Variants in MTUS2 observed in about 807,000 individuals in gnomAD.
The protein encoded by MTUS2 is microtubule associated scaffold protein 2, also known as microtubule-associated tumor suppressor candidate 2.
MTUS2 carries 40 observed loss-of-function variants against 114.1 expected under a neutral mutation model. That is an observed-to-expected ratio of 0.35 (90% confidence interval 0.27 to 0.46). The LOEUF (loss-of-function observed/expected upper bound fraction) is 0.46. Ranked by LOEUF, MTUS2 falls within the 20% of genes least tolerant of loss-of-function variation. MTUS2 has a pLI of 1.00. For missense variants in MTUS2, 1,679 were observed against 1,705.4 expected (o/e 0.98, Z 0.27); for synonymous variants, 688 against 672.0 (o/e 1.02, Z -0.37).
At chr13:29,307,722 C>T (rs1899541929) in intron 6 of MTUS2, 2 of 1,128,010 alleles carry the variant, frequency 1.8e-6, no homozygotes, top group Admixed American at 3.4e-5. Context: ...CCTGGTATGA[C>T]AATGAATTTG....
chr13:29,209,615 A>G (rs546852485), intron 5 of MTUS2, among the ~76,000 whole-genome samples: 1 of 152,142 alleles, frequency 6.6e-6, no homozygotes, highest in South Asian at 2.1e-4. Flanking sequence ...GAGATCTTGT[A>G]GTGCTGGCTT....
rs528737592 is a variant in MTUS2 at position 29,238,834 on chromosome 13, A to G, written c.2645-42870A>G. ...GGATGAACCTGGATTACATTATGCT[A>G]TAGGTAAAATAAGCCAGACACATGT... On this transcript the variant is annotated intron_variant, in intron 5 of 15. Coordinates refer to ENST00000612955, the MANE Select transcript of MTUS2 (RefSeq NM_001033602.4). Among the ~76,000 whole-genome samples the G allele has an allele frequency of 2.6e-5, 4 of 152,326 alleles. No homozygotes were observed. In the South Asian group the frequency reaches 8.3e-4, roughly 32 times the overall value.
At chr13:29,469,769 T>C (rs1475173431) in intron 9 of MTUS2, among the ~76,000 whole-genome samples, 1 of 151,920 alleles carries the variant, frequency 6.6e-6, no homozygotes, top group Non-Finnish European at 1.5e-5. Flanking sequence ...ATTGTGCCAC[T>C]GCACTCCAGC....
chr13:29,490,729 C>T (rs988784275), intron 11 of MTUS2, among the ~76,000 whole-genome samples: 1 of 152,258 alleles, frequency 6.6e-6, no homozygotes, highest in Non-Finnish European at 1.5e-5. Flanking sequence ...CCAAGGTGTC[C>T]GTGTAGACAC....
intron 4 of MTUS2, among the ~76,000 whole-genome samples, chr13:29,088,648 G>A (rs1446932585): frequency 6.6e-6 from 1 of 152,110 alleles, no homozygotes; most frequent in Non-Finnish European, 1.5e-5. Context: ...GCAATATTGG[G>A]TTCATATACA....
At chr13:29,071,024 A>T in intron 4 of MTUS2, among the ~76,000 whole-genome samples, 1 of 149,842 alleles carries the variant, frequency 6.7e-6, no homozygotes, top group African/African-American at 2.5e-5. Context: ...TATTTTTTTG[A>T]GACAGAGTCT....
chr13:29,074,741 G>C (rs1321352320), intron 4 of MTUS2, among the ~76,000 whole-genome samples: 2 of 152,074 alleles, frequency 1.3e-5, no homozygotes, highest in African/African-American at 4.8e-5. Flanking sequence ...CTGTATCTTT[G>C]ATCTTACTTC....
chr13:29,499,707 G>A (rs541751799), intron 14 of MTUS2, among the ~76,000 whole-genome samples: 6 of 152,318 alleles, frequency 3.9e-5, no homozygotes, highest in South Asian at 4.1e-4. Flanking sequence ...TCATCTCATC[G>A]AAATTCCCCA....
At chr13:29,424,892 A>T (rs1876393267) in intron 8 of MTUS2, among the ~76,000 whole-genome samples, 1 of 152,198 alleles carries the variant, frequency 6.6e-6, no homozygotes, top group African/African-American at 2.4e-5. Context: ...TTAAAACCTG[A>T]TGTAATACAT....
intron 2 of MTUS2, among the ~76,000 whole-genome samples, chr13:28,909,256 A>G (rs1283092786): frequency 6.6e-6 from 1 of 151,598 alleles, no homozygotes; most frequent in Non-Finnish European, 1.5e-5. Flanking sequence ...TGGGGGTGGC[A>G]TTGAATCTAT....
At chr13:28,887,864 G>C (rs2137899667) in intron 2 of MTUS2, among the ~76,000 whole-genome samples, 1 of 152,272 alleles carries the variant, frequency 6.6e-6, no homozygotes, top group East Asian at 1.9e-4. Flanking sequence ...CATCTAGACT[G>C]CCTCTCTGTT....
chr13:29,307,038 G>A, intron 6 of MTUS2: 1 of 519,934 alleles, frequency 1.9e-6, no homozygotes, highest in Non-Finnish European at 3.8e-6. Context: ...AAATCAAATG[G>A]GGTGATGCTG....
At chr13:29,143,237 C>A (rs1378961016) in intron 5 of MTUS2, among the ~76,000 whole-genome samples, 1 of 152,048 alleles carries the variant, frequency 6.6e-6, no homozygotes, top group African/African-American at 2.4e-5. Flanking sequence ...TTAAGCCTAG[C>A]TTTCTTATGT....
chr13:28,840,589 A>G (rs1040790883), intron 2 of MTUS2, among the ~76,000 whole-genome samples: 1 of 152,218 alleles, frequency 6.6e-6, no homozygotes, highest in African/African-American at 2.4e-5. Flanking sequence ...TTTTAATAAA[A>G]ATACAAACAA....
intron 14 of MTUS2, among the ~76,000 whole-genome samples, chr13:29,500,400 T>A (rs996847182): frequency 2.6e-5 from 4 of 152,154 alleles, no homozygotes; most frequent in African/African-American, 9.7e-5. Context: ...TCTAAATTGG[T>A]CTTAGAATCA....
At chr13:29,158,358 C>CTTTTTTTT (rs372666382) in intron 5 of MTUS2, among the ~76,000 whole-genome samples, 4 of 32,048 alleles carry the variant, frequency 1.2e-4, no homozygotes, top group Non-Finnish European at 2.0e-4. Context: ...GTCCACCCCG[C>CTTTTTTTT]TTTTTTTTTT....
chr13:29,223,824 C>A (rs1160230995), intron 5 of MTUS2, among the ~76,000 whole-genome samples: 1 of 152,198 alleles, frequency 6.6e-6, no homozygotes, highest in African/African-American at 2.4e-5. Context: ...GCTGTGACAC[C>A]CTCTTTGGAG....
At chr13:28,834,907 C>T (rs1874964368) in intron 1 of MTUS2, among the ~76,000 whole-genome samples, 1 of 152,036 alleles carries the variant, frequency 6.6e-6, no homozygotes, top group Non-Finnish European at 1.5e-5. Context: ...AGAAGATATA[C>T]GAGTGGCCAG....
intron 8 of MTUS2, among the ~76,000 whole-genome samples, chr13:29,405,801 C>T (rs969990951): frequency 1.0e-4 from 15 of 145,750 alleles, no homozygotes; most frequent in South Asian, 4.3e-4. Flanking sequence ...AGTGCAGTGG[C>T]GTGATCTCGG....
Sources: allele counts gnomAD v4.1 joint callset (sites outside exome capture counted in the v4.1 genomes callset), GRCh38; gene constraint gnomAD v4.1.1; transcripts MANE v1.5; gene names NCBI Gene and HGNC (gene_info 2026-07-23, HGNC 2026-07-21).